Variants in DIP2A observed in about 807,000 individuals in gnomAD.
DIP2A encodes the protein disco-interacting protein 2 homolog A.
In DIP2A, 85 loss-of-function variants were observed where a neutral mutation model predicts 177.4. The ratio of observed to expected loss-of-function variants is 0.48; its 90% CI spans 0.40 to 0.57. The LOEUF is 0.57. Ranked by LOEUF, DIP2A falls within the 20% of genes least tolerant of loss-of-function variation. The pLI is 0.00. For synonymous variants in DIP2A, 886 were observed against 881.8 expected (o/e 1.00, Z -0.08); for missense variants, 1,791 against 2,100.2 (o/e 0.85, Z 2.88).
chr21:46,572,172 CTA>C (rs907186050), downstream of DIP2A, among the ~76,000 whole-genome samples: 14 of 152,130 alleles, frequency 9.2e-5, no homozygotes, highest in African/African-American at 2.7e-4. Context: ...ATAAAGATGT[CTA>C]AAAATGTTTT....
chr21:46,511,425 C>T lies in DIP2A; in HGVS notation c.913C>T (p.Pro305Ser). The change falls in exon 8 of 38, where the codon CCA becomes TCA. Residue 305 changes from proline (P) to serine (S), a missense_variant. Pro to Ser is a moderately conservative substitution (Grantham distance 74). Transcript: ENST00000417564. ...DFEELLEVQQ[P>S]DPNQPKPEGS... Reference sequence around the variant, plus strand: ...TTTGATTTTGCTTGTAGTTCAGCAACCAGATCCAAATCAGCCAAAGCCTGA... The same window carrying T: ...TTTGATTTTGCTTGTAGTTCAGCAATCAGATCCAAATCAGCCAAAGCCTGA... The T allele has an allele frequency of 6.2e-7, 1 of 1,609,160 alleles. No individual in the cohort carries two copies. The highest frequency in any genetic ancestry group is 1.3e-5 in the African/African-American group (1 of 74,928).
intron 25 of DIP2A, 90 bp downstream of exon 25, chr21:46,551,994 T>G: frequency 1.1e-5 from 15 of 1,421,286 alleles, no homozygotes; most frequent in Non-Finnish European, 1.4e-5. Context: ...AGTGTCCTGG[T>G]TGTTCTCATG....
At chr21:46,485,376 T>C (rs1015069287) in intron 2 of DIP2A, among the ~76,000 whole-genome samples, 2 of 152,198 alleles carry the variant, frequency 1.3e-5, no homozygotes, top group Non-Finnish European at 2.9e-5. Flanking sequence ...AGAGTTATTA[T>C]TAAAGCCGTT....
rs966711088 is a variant in DIP2A, at chr21:46,484,767, T to G, written c.102T>G (p.Thr34=). The G allele has an allele frequency of 6.3e-7, 1 of 1,574,872 alleles. No homozygotes were observed. Among genetic ancestry groups the G allele is most frequent in the African/African-American group, 1.4e-5 (1 of 74,040 alleles). Residue 34 remains threonine (T), a synonymous_variant, in exon 2 of 38, where the codon ACT becomes ACG. Coordinates refer to ENST00000417564, the MANE Select transcript of DIP2A (RefSeq NM_015151.4). The part of the protein sequence containing the change: ...LELELSEGDI[T]QKGYEKKRAK... Reference sequence around the variant, plus strand: ...CCATTGTTGTTTTAGGTGACATCACTCAAAAAGGATATGAAAAGAAAAGGG... The same window carrying G: ...CCATTGTTGTTTTAGGTGACATCACGCAAAAAGGATATGAAAAGAAAAGGG...
Position 46,563,689 on chromosome 21 carries a change from C to A in DIP2A, c.4090-169C>A. The A allele has an allele frequency of 1.6e-6, 2 of 1,260,406 alleles. No individual in the cohort carries two copies. Among genetic ancestry groups the A allele is most frequent in the South Asian group, 1.7e-5 (1 of 58,252 alleles). 78.1% of individuals were successfully genotyped at this position (1,260,406 alleles called of 1,614,324 possible). ...TTATTTCTATTAACATCTCTTATTT[C>A]TTTCAAAATTCAAAGTCAAATTTGG... is the stretch of plus-strand genomic sequence containing the variant. On this transcript the variant is annotated intron_variant, in intron 34 of 37. Transcript: ENST00000417564. The surrounding 1 kb of genome is among the most constrained non-coding windows in gnomAD (Gnocchi z 4.3).
intron 1 of DIP2A, among the ~76,000 whole-genome samples, chr21:46,476,209 C>G (rs1483825322): frequency 6.6e-6 from 1 of 151,012 alleles, no homozygotes; most frequent in Non-Finnish European, 1.5e-5. Flanking sequence ...CACCACTGCA[C>G]TCCAGCCTAG....
chr21:46,516,493 T>C (rs2058583508), intron 8 of DIP2A, among the ~76,000 whole-genome samples: 2 of 123,126 alleles, frequency 1.6e-5, no homozygotes, highest in Non-Finnish European at 3.6e-5. Context: ...AATTTCTTTT[T>C]TTTTTTTTTT....
At chr21:46,524,671 C>T (rs555587354) in intron 8 of DIP2A, among the ~76,000 whole-genome samples, 1 of 152,172 alleles carries the variant, frequency 6.6e-6, no homozygotes, top group African/African-American at 2.4e-5. Flanking sequence ...AATGGCTACT[C>T]CCTAGGCAGA....
the DIP2A span, among the ~76,000 whole-genome samples, chr21:46,583,663 G>A: frequency 6.6e-6 from 1 of 152,162 alleles, no homozygotes; most frequent in Non-Finnish European, 1.5e-5. Context: ...TCATTAATGG[G>A]TTAATGCCAT....
At chr21:46,515,837 A>G (rs2058550484) in intron 8 of DIP2A, among the ~76,000 whole-genome samples, 3 of 151,898 alleles carry the variant, frequency 2.0e-5, no homozygotes, top group Admixed American at 6.6e-5. Flanking sequence ...TGCCCGGCCC[A>G]TTGTTTTTTG....
intron 3 of DIP2A, among the ~76,000 whole-genome samples, chr21:46,491,932 CTT>C (rs750998733): frequency 4.6e-5 from 7 of 152,092 alleles, no homozygotes; most frequent in Non-Finnish European, 1.0e-4. Context: ...TGTGATTTGT[CTT>C]TGTGTTTCTT....
At chr21:46,527,834 G>A (rs1386325160) in intron 8 of DIP2A, among the ~76,000 whole-genome samples, 2 of 152,056 alleles carry the variant, frequency 1.3e-5, no homozygotes, top group Admixed American at 6.6e-5. Flanking sequence ...GTGAGGGGGT[G>A]TTAAGGCTCC....
At chr21:46,464,254 G>T (rs568282706) in intron 1 of DIP2A, among the ~76,000 whole-genome samples, 3 of 151,848 alleles carry the variant, frequency 2.0e-5, no homozygotes, top group Non-Finnish European at 2.9e-5. Flanking sequence ...TTAGCCGGGC[G>T]TGGTGGCGTA....
chr21:46,460,949 C>T (rs2054243936), intron 1 of DIP2A, among the ~76,000 whole-genome samples: 3 of 151,958 alleles, frequency 2.0e-5, no homozygotes, highest in Non-Finnish European at 2.9e-5. Flanking sequence ...CTGCCTCGGC[C>T]TCCCAAAGTG....
chr21:46,471,568 G>A (rs1192720844), intron 1 of DIP2A, among the ~76,000 whole-genome samples: 1 of 152,168 alleles, frequency 6.6e-6, no homozygotes, highest in Non-Finnish European at 1.5e-5. Flanking sequence ...TTTCAGTATT[G>A]CACTGGTCTA....
chr21:46,469,046 G>A (rs1214859741), intron 1 of DIP2A: 1 of 152,094 alleles, frequency 6.6e-6, no homozygotes, highest in Non-Finnish European at 1.5e-5. Flanking sequence ...AAGTGCCTGT[G>A]CTCTGTATCC....
intron 9 of DIP2A, 78 bp downstream of exon 9, chr21:46,529,261 T>C (rs2059253696): frequency 1.1e-6 from 1 of 926,938 alleles, no homozygotes. Flanking sequence ...AAATTAGTGT[T>C]CTATCATTTA....
intron 19 of DIP2A, 70 bp downstream of exon 19, chr21:46,545,343 T>C: frequency 6.5e-7 from 1 of 1,534,060 alleles, no homozygotes; most frequent in Non-Finnish European, 8.8e-7. Context: ...CCAGGTGTGC[T>C]GGGTGCTGGG....
intron 8 of DIP2A, among the ~76,000 whole-genome samples, chr21:46,519,827 T>C (rs1161030896): frequency 6.8e-6 from 1 of 147,744 alleles, no homozygotes; most frequent in African/African-American, 2.5e-5. Flanking sequence ...CTGATTCCAG[T>C]GTGCCCAGAA....
Sources: gnomAD v4.1 joint callset for allele counts (sites outside exome capture counted in the v4.1 genomes callset) on GRCh38, gnomAD v4.1.1 for gene constraint, Gnocchi (gnomAD v3.1) non-coding constraint, MANE v1.5 for transcripts, NCBI Gene and HGNC (gene_info 2026-07-23, HGNC 2026-07-21) for gene names.